LPGAT1: variants seen among roughly 807,000 people sequenced by gnomAD.
LPGAT1 encodes lysophosphatidylglycerol acyltransferase 1, also known as acyl-CoA:lysophosphatidylglycerol acyltransferase 1.
Under a neutral mutation model 47.5 loss-of-function variants are expected in LPGAT1, and 11 were observed. That is an observed-to-expected ratio of 0.23 (90% CI 0.15 to 0.38). The LOEUF is 0.38. Among genes scored for constraint, LPGAT1 ranks in the 10% least tolerant of loss-of-function variants. LPGAT1 has a pLI of 1.00. For missense variants in LPGAT1, 293 were observed against 439.0 expected (o/e 0.67, Z 2.97); for synonymous variants, 138 against 144.2 (o/e 0.96, Z 0.31).
At chr1:211,779,112 A>G in intron 5 of LPGAT1, 68 bp from the exon 6 acceptor site, 1 of 1,334,698 alleles carries the variant, frequency 7.5e-7, no homozygotes, top group Non-Finnish European at 1.0e-6. Context: ...AATAACATAG[A>G]TTACTTGACC....
chr1:211,783,333 G>C lies in LPGAT1; in HGVS notation c.623C>G (p.Thr208Arg), dbSNP rs777056105. ...CCCAGACCTTGGCAGAGTAACATTT[G>C]TAAGAAATGGCAAGTTATTTTTCTT... The part of the protein sequence containing the change: ...FAKKNNLPFL[T>R]NVTLPRSGAT... The change falls in exon 5 of 8, where the codon ACA becomes AGA. Residue 208 changes from threonine (T) to arginine (R), a missense_variant. Coordinates refer to ENST00000366997, the MANE Select transcript of LPGAT1 (RefSeq NM_014873.3). 6.2e-7 allele frequency: 1 copy of C among 1,614,018 alleles called. No homozygotes were observed. Among genetic ancestry groups the C allele is most frequent in the South Asian group, 1.1e-5 (1 of 91,082 alleles).
intron 6 of LPGAT1, among the ~76,000 whole-genome samples, chr1:211,770,418 T>C (rs1658116063): frequency 1.3e-5 from 2 of 152,210 alleles, no homozygotes; most frequent in African/African-American, 2.4e-5. Flanking sequence ...CAATGAAAAG[T>C]CTTTGTGTCT....
intron 2 of LPGAT1, among the ~76,000 whole-genome samples, chr1:211,803,764 CTTT>C (rs372453326): frequency 1.4e-5 from 2 of 139,000 alleles, no homozygotes; most frequent in Non-Finnish European, 1.6e-5. Context: ...GTTTTTCTTT[CTTT>C]TTTTTTTTTT....
intron 2 of LPGAT1, among the ~76,000 whole-genome samples, chr1:211,804,543 C>T (rs1446857068): frequency 6.6e-6 from 1 of 152,068 alleles, no homozygotes; most frequent in African/African-American, 2.4e-5. Flanking sequence ...AGTTATTTTT[C>T]TCTGTGTATA....
At chr1:211,750,829 G>C (rs953110717) in intron 7 of LPGAT1, 132 bp downstream of exon 7, 2 of 635,102 alleles carry the variant, frequency 3.1e-6, no homozygotes, top group Non-Finnish European at 5.6e-6. Flanking sequence ...TTCATGAGGG[G>C]ATTTGCTTCT....
chr1:211,771,564 C>T (rs1001191140), intron 6 of LPGAT1, among the ~76,000 whole-genome samples: 5 of 151,804 alleles, frequency 3.3e-5, no homozygotes, highest in African/African-American at 9.7e-5. Context: ...AGTGCAGTGG[C>T]GCTATTTCAG....
At chr1:211,812,627 G>A (rs2102589974) in intron 2 of LPGAT1, among the ~76,000 whole-genome samples, 1 of 152,026 alleles carries the variant, frequency 6.6e-6, no homozygotes, top group Non-Finnish European at 1.5e-5. Flanking sequence ...TACTTTATAT[G>A]ATAAAAAATG....
chr1:211,811,887 C>G (rs183595372), intron 2 of LPGAT1, among the ~76,000 whole-genome samples: 1 of 152,290 alleles, frequency 6.6e-6, no homozygotes, highest in Non-Finnish European at 1.5e-5. Flanking sequence ...ATCTTTATAT[C>G]CTGGAGGATA....
At chr1:211,829,909 A>C in intron 1 of LPGAT1, 1 of 985,190 alleles carries the variant, frequency 1.0e-6, no homozygotes, top group Non-Finnish European at 1.2e-6. Context: ...CTAGAAAAAA[A>C]GCTTACAAGG....
intron 2 of LPGAT1, among the ~76,000 whole-genome samples, chr1:211,795,562 T>C (rs1303736490): frequency 1.3e-5 from 2 of 152,166 alleles, no homozygotes; most frequent in Non-Finnish European, 2.9e-5. Context: ...AGACGGGGTT[T>C]CTCCATGTTG....
chr1:211,800,207 T>G (rs919088710), intron 2 of LPGAT1, among the ~76,000 whole-genome samples: 5 of 151,552 alleles, frequency 3.3e-5, no homozygotes, highest in Non-Finnish European at 7.4e-5. Context: ...TTTTTTTTTT[T>G]TTGTATTTTA....
chr1:211,756,872 TC>T (rs1475423408), intron 6 of LPGAT1, among the ~76,000 whole-genome samples: 10 of 144,360 alleles, frequency 6.9e-5, no homozygotes, highest in Admixed American at 4.2e-4. Context: ...TTTTTTTTTC[TC>T]TCTTTTTTTT....
chr1:211,815,773 C>CTTTTTTT (rs938719098), intron 2 of LPGAT1, among the ~76,000 whole-genome samples: 30 of 101,846 alleles, frequency 2.9e-4, no homozygotes, highest in Non-Finnish European at 3.8e-4. Context: ...AAATGCTTTT[C>CTTTTTTT]TTTTTTTTTT....
chr1:211,761,189 G>A (rs1279890264), intron 6 of LPGAT1, among the ~76,000 whole-genome samples: 2 of 152,146 alleles, frequency 1.3e-5, no homozygotes, highest in Non-Finnish European at 2.9e-5. Context: ...CTCTCACCAA[G>A]GGAAAGGATT....
intron 2 of LPGAT1, among the ~76,000 whole-genome samples, chr1:211,810,793 G>A (rs56285049): frequency 0.027 from 4,083 of 152,270 alleles, 76 homozygotes; most frequent in Non-Finnish European, 0.039. Flanking sequence ...GAACATGCCC[G>A]GGTAGTAACC....
chr1:211,785,257 G>A (rs1453323739), intron 4 of LPGAT1, among the ~76,000 whole-genome samples: 1 of 152,142 alleles, frequency 6.6e-6, no homozygotes, highest in Non-Finnish European at 1.5e-5. Flanking sequence ...TTGCTGAAGT[G>A]AACTGATTAT....
intron 6 of LPGAT1, among the ~76,000 whole-genome samples, chr1:211,776,147 G>T (rs1458203523): frequency 6.6e-6 from 1 of 151,812 alleles, no homozygotes. Flanking sequence ...TTTTAAAATG[G>T]AGAAATTAAA....
intron 6 of LPGAT1, among the ~76,000 whole-genome samples, chr1:211,764,816 C>T (rs1046561958): frequency 4.6e-5 from 7 of 152,238 alleles, no homozygotes; most frequent in African/African-American, 1.7e-4. Context: ...CCAGCAGATA[C>T]TTTTGAGTGA....
intron 6 of LPGAT1, among the ~76,000 whole-genome samples, chr1:211,766,071 T>C (rs893241479): frequency 2.2e-4 from 34 of 152,160 alleles, no homozygotes; most frequent in African/African-American, 8.0e-4. Flanking sequence ...GTGCTCCTGG[T>C]TCCTGGGCTT....
Sources: allele counts gnomAD v4.1 joint callset (sites outside exome capture counted in the v4.1 genomes callset), GRCh38; gene constraint gnomAD v4.1.1; transcripts MANE v1.5; gene names NCBI Gene and HGNC (gene_info 2026-07-23, HGNC 2026-07-21).